Variants in FER1L5 observed in about 807,000 individuals in gnomAD.
FER1L5 encodes the protein fer-1-like protein 5.
A neutral mutation model predicts 279.9 loss-of-function variants in FER1L5; 187 were observed. That is an observed-to-expected ratio of 0.67 (90% CI 0.59 to 0.75). The LOEUF is 0.75. Among genes scored for constraint, FER1L5 ranks in the 30% least tolerant of loss-of-function variants. The pLI, the probability that FER1L5 is intolerant of heterozygous loss-of-function variation, is 0.00. For missense variants in FER1L5, 2,091 were observed against 2,594.4 expected, an observed-to-expected ratio of 0.81 and a Z score of 4.21; for synonymous variants, 921 against 989.7, an observed-to-expected ratio of 0.93 and a Z score of 1.30.
chr2:96,645,485 A>G (rs2075079764), intron 1 of FER1L5, among the ~76,000 whole-genome samples: 5 of 151,948 alleles, frequency 3.3e-5, no homozygotes. Context: ...GACACTGAAA[A>G]CTCTGGAAGA....
chr2:96,650,176 C>G lies in FER1L5; in HGVS notation c.395-4C>G. The G allele has an allele frequency of 6.4e-7, 1 of 1,551,414 alleles. No individual in the cohort carries two copies. The highest frequency in any genetic ancestry group is 8.7e-7 in the Non-Finnish European group (1 of 1,146,782). On this transcript the variant is annotated splice_polypyrimidine_tract_variant and splice_region_variant and intron_variant, in intron 5 of 52. Coordinates refer to ENST00000624922, the MANE Select transcript of FER1L5 (RefSeq NM_001293083.2). ...TGACCCCACCCTGCACTGTGTCTCC[C>G]CAGGAGCTGAAGACCACCTGGGCAT...
chr2:96,696,771 G>A (rs1009567671), intron 37 of FER1L5, among the ~76,000 whole-genome samples: 6 of 152,154 alleles, frequency 3.9e-5, no homozygotes, highest in Non-Finnish European at 7.3e-5. Context: ...TGAGCATGCT[G>A]GTGCATACCT....
rs1214868666 is a variant in FER1L5, at chr2:96,689,301, C to T, written c.2450C>T (p.Thr817Ile). 6.5e-7 allele frequency: 1 copy of T among 1,550,366 alleles called. No homozygotes were observed. The highest frequency in any genetic ancestry group is 1.2e-5 in the South Asian group (1 of 83,934). ...TTCTCGGATGTCATGGGGAACAAGA[C>T]CCTCCCCATGACGGATTTCCAACCA... Reference protein sequence around the residue: ...PNFSDVMGNKTLPMTDFQPPL... With the variant: ...PNFSDVMGNKILPMTDFQPPL... The change falls in exon 25 of 53, where the codon ACC becomes ATC. Residue 817 changes from threonine to isoleucine, a missense_variant. Thr to Ile is a moderately conservative substitution (Grantham distance 89). Coordinates refer to ENST00000624922, the MANE Select transcript of FER1L5 (RefSeq NM_001293083.2). This position sits in a 1 kb window ranked among gnomAD's most constrained non-coding sequence, Gnocchi z 4.6.
chr2:96,670,115 C>G lies in FER1L5; in HGVS notation c.1363-4C>G, dbSNP rs2076269583. 2 of 1,551,580 alleles carry G rather than the reference C, an allele frequency of 1.3e-6. No homozygotes were observed. The highest frequency in any genetic ancestry group is 1.4e-5 in the African/African-American group (1 of 73,150). On this transcript the variant is annotated splice_region_variant and splice_polypyrimidine_tract_variant and intron_variant, in intron 17 of 52. Coordinates refer to ENST00000624922, the MANE Select transcript of FER1L5 (RefSeq NM_001293083.2). Reference sequence around the variant, plus strand: ...TTTCTCCGTTTTCCTCTCGCTTGCCCTAGTGTATTCCCGACTCTGTTAGGG... The same window carrying G: ...TTTCTCCGTTTTCCTCTCGCTTGCCGTAGTGTATTCCCGACTCTGTTAGGG...
At chr2:96,653,726 G>C (rs1296086402) in intron 8 of FER1L5, 24 bp downstream of exon 8, 1 of 1,541,940 alleles carries the variant, frequency 6.5e-7, no homozygotes, top group South Asian at 1.2e-5. Context: ...CTGGTCCCCA[G>C]CAAGGTGGGT....
In FER1L5 at chr2:96,694,113, G is replaced by C. The variant is rs1351153344; in HGVS notation, c.3636+41G>C. 1 of 1,513,910 alleles carries C rather than the reference G, an allele frequency of 6.6e-7. No individual in the cohort carries two copies. Among genetic ancestry groups the C allele is most frequent in the Admixed American group, 2.0e-5 (1 of 49,204 alleles). 93.8% of individuals were successfully genotyped at this position (1,513,910 alleles called of 1,614,324 possible). A position where few individuals can be genotyped will look rare whatever the true frequency, so the allele number is the denominator to read the frequency against. On this transcript the variant is annotated intron_variant, in intron 33 of 52. Coordinates refer to ENST00000624922, the MANE Select transcript of FER1L5 (RefSeq NM_001293083.2). The surrounding 1 kb of genome is among the most constrained non-coding windows in gnomAD (Gnocchi z 4.6). ...GCCTGGCTGGGAAGTGTGGCACTCA[G>C]TGCCCCTCCCCGTCCCACCCCCAGC...
At chr2:96,659,307 T>C (rs988159497) in intron 9 of FER1L5, among the ~76,000 whole-genome samples, 4 of 43,032 alleles carry the variant, frequency 9.3e-5, no homozygotes, top group Admixed American at 3.6e-4. Context: ...CCTTCCTTCC[T>C]TCCTTCCTTC....
At position 96,699,497 on chromosome 2, in the gene FER1L5, G is replaced by A. The variant is rs570556241; in HGVS notation, c.4611-53G>A. On this transcript the variant is annotated intron_variant, in intron 42 of 52. Coordinates refer to ENST00000624922, the MANE Select transcript of FER1L5 (RefSeq NM_001293083.2). ...GGGCCGAGACACCGGTGAGGGAGGGGGGCACAGAGACATTGCCCACATCCT... is the reference window on the plus strand; with the variant it reads ...GGGCCGAGACACCGGTGAGGGAGGGAGGCACAGAGACATTGCCCACATCCT... 783 of 1,564,638 alleles carry A rather than the reference G, an allele frequency of 5.0e-4. 3 individuals carry two copies. The highest frequency in any genetic ancestry group is 4.8e-4 in the Non-Finnish European group (555 of 1,147,140).
chr2:96,654,352 A>G lies in FER1L5; in HGVS notation c.697-94A>G, dbSNP rs2075507281. The G allele has an allele frequency of 7.6e-5, 30 of 396,796 alleles. 1 individual carries two copies. In the East Asian group the frequency reaches 1.0e-3, roughly 14 times the overall value. The allele number at this position is 396,796 out of a possible 1,614,324, so 24.6% of individuals were successfully genotyped here. On this transcript the variant is annotated intron_variant, in intron 8 of 52. Coordinates refer to ENST00000624922, the MANE Select transcript of FER1L5 (RefSeq NM_001293083.2). ...ATTAGGAAGCATTCAATACGTCAGG[A>G]GGATCCTGGTTGTGCCTTTGCTATA...
At position 96,686,035 on chromosome 2, in the gene FER1L5, A is replaced by G; in HGVS notation, c.1991A>G (p.Gln664Arg). 6.4e-7 allele frequency: 1 copy of G among 1,551,598 alleles called. No individual in the cohort carries two copies. Among genetic ancestry groups the G allele is most frequent in the South Asian group, 1.2e-5 (1 of 84,064 alleles). ...LRSLLLQELAQKAKQAKPKDM... is the reference protein window; with the variant it reads ...LRSLLLQELARKAKQAKPKDM... ...AGCCTCCTCCTGCAGGAACTGGCCC[A>G]AAAGGCCAAGCAAGCCAAGCCCAAG... The change falls in exon 22 of 53, where the codon CAA becomes CGA. Residue 664 changes from glutamine (Q) to arginine (R), a missense_variant. By Grantham distance (43) the Gln-to-Arg change is conservative (BLOSUM62 1). Transcript: ENST00000624922.
chr2:96,657,473 C>G (rs1466218070), intron 9 of FER1L5, among the ~76,000 whole-genome samples: 1 of 152,066 alleles, frequency 6.6e-6, no homozygotes, highest in Non-Finnish European at 1.5e-5. Flanking sequence ...AATATGTGCA[C>G]ACCCAGAAGA....
chr2:96,699,694 T>C lies in FER1L5; in HGVS notation c.4755T>C (p.His1585=), dbSNP rs746604595. ...ENRLLSGFGA[H]CGLSKSYCQS... is the part of the protein sequence containing the mutation. ...GACTCCTATCTGGCTTTGGAGCTCA[T>C]TGTGGGCTCTCCAAATCCTACTGCC... Residue 1585 remains histidine (H), a synonymous_variant, in exon 43 of 53, where the codon CAT becomes CAC. Transcript: ENST00000624922. 3 of 1,614,024 alleles carry C rather than the reference T, an allele frequency of 1.9e-6. No individual in the cohort carries two copies. Among genetic ancestry groups the C allele is most frequent in the Non-Finnish European group, 2.5e-6 (3 of 1,179,892 alleles).
chr2:96,660,245 G>A (rs2075905753), intron 9 of FER1L5, 96 bp from the exon 10 acceptor site: 2 of 1,282,434 alleles, frequency 1.6e-6, no homozygotes, highest in African/African-American at 1.5e-5. Flanking sequence ...AGAACATACT[G>A]AAGCCCCAAC....
rs1281345096 is a variant in FER1L5, at chr2:96,684,561, G to A, written c.1794+110G>A. ...GAAACTGGTCACACAGCTCATTCAT[G>A]CATTCATTCCACACTGTTGAGAAGA... On this transcript the variant is annotated intron_variant, in intron 20 of 52. Coordinates refer to ENST00000624922, the MANE Select transcript of FER1L5 (RefSeq NM_001293083.2). 3.5e-6 allele frequency: 5 copies of A among 1,422,480 alleles called. No individual in the cohort carries two copies. In the Admixed American group the frequency reaches 1.1e-4, roughly 32 times the overall value. 88.1% of individuals were successfully genotyped at this position (1,422,480 alleles called of 1,614,324 possible). A position where few individuals can be genotyped will look rare whatever the true frequency, so the allele number is the denominator to read the frequency against.
At chr2:96,684,264 G>A in intron 19 of FER1L5, 63 bp from the exon 20 acceptor site, 1 of 1,527,512 alleles carries the variant, frequency 6.5e-7, no homozygotes, top group South Asian at 1.2e-5. Flanking sequence ...AGGGAGCACA[G>A]TGAGAAGAGA....
rs373702127 is a variant in FER1L5, at chr2:96,669,045, G to C, written c.1270G>C (p.Val424Leu). 2.7e-4 allele frequency: 416 copies of C among 1,551,552 alleles called. No homozygotes were observed. Among genetic ancestry groups the C allele is most frequent in the Non-Finnish European group, 3.4e-4 (392 of 1,146,982 alleles). ...CTTCTCACTCTCTCTCCTTCCAGGA[G>C]TGTACTCCGGCTTCCTGCCCTGCTT... ...ISSTGEEIEG[V>L]YSGFLPCFGP... Residue 424 changes from valine (V) to leucine (L), a missense_variant and splice_region_variant, in exon 17 of 53, where the codon GTG becomes CTG. Coordinates refer to ENST00000624922, the MANE Select transcript of FER1L5 (RefSeq NM_001293083.2).
At chr2:96,670,926 G>A (rs900118210) in intron 18 of FER1L5, among the ~76,000 whole-genome samples, 3 of 151,422 alleles carry the variant, frequency 2.0e-5, no homozygotes, top group Middle Eastern at 3.4e-3. Context: ...CCAATATGGC[G>A]AAACCTCATC....
intron 16 of FER1L5, 30 bp from the exon 17 acceptor site, chr2:96,669,013 C>A (rs985789342): frequency 5.8e-6 from 9 of 1,551,584 alleles, no homozygotes; most frequent in Middle Eastern, 1.7e-4. Flanking sequence ...TCGTCCTGCG[C>A]CCGACCCTTC....
At chr2:96,671,128 A>AAAAAAAAAAAAAAAAAAG (rs59325881) in intron 18 of FER1L5, among the ~76,000 whole-genome samples, 1 of 149,596 alleles carries the variant, frequency 6.7e-6, no homozygotes, top group Non-Finnish European at 1.5e-5. Context: ...AAAAAAAAAA[A>AAAAAAAAAAAAAAAAAAG]GGAATCCCTG....
Sources: allele counts gnomAD v4.1 joint callset (sites outside exome capture counted in the v4.1 genomes callset), GRCh38; gene constraint gnomAD v4.1.1; non-coding constraint Gnocchi (gnomAD v3.1); transcripts MANE v1.5; gene names NCBI Gene and HGNC (gene_info 2026-07-23, HGNC 2026-07-21).